The following TRHDE variants were observed in gnomAD, a reference collection of about 807,000 sequenced individuals.
TRHDE encodes the protein thyrotropin-releasing hormone-degrading ectoenzyme.
Under a neutral mutation model 125.7 loss-of-function variants are expected in TRHDE, and 72 were observed. That is an observed-to-expected ratio of 0.57 (90% CI 0.47 to 0.70). The LOEUF is 0.70. Among genes scored for constraint, TRHDE ranks in the 30% least tolerant of loss-of-function variants. TRHDE has a pLI of 0.00. For synonymous variants in TRHDE, 509 were observed against 509.1 expected (o/e 1.00, Z 0.00); for missense variants, 1,110 against 1,327.1 (o/e 0.84, Z 2.54).
intron 15 of TRHDE, among the ~76,000 whole-genome samples, chr12:72,634,495 T>TA (rs1431414815): frequency 6.6e-6 from 1 of 152,122 alleles, no homozygotes; most frequent in African/African-American, 2.4e-5. Flanking sequence ...TCTTTTTTTT[T>TA]AATTGTTAAT....
chr12:72,367,584 C>A (rs1395366879), intron 2 of TRHDE, among the ~76,000 whole-genome samples: 2 of 152,086 alleles, frequency 1.3e-5, no homozygotes, highest in Non-Finnish European at 2.9e-5. Flanking sequence ...GACTAATACT[C>A]CTGAGCTTTT....
intron 1 of TRHDE, among the ~76,000 whole-genome samples, chr12:72,098,311 C>A (rs545837230): frequency 1.3e-5 from 2 of 152,108 alleles, no homozygotes; most frequent in Admixed American, 6.5e-5. Flanking sequence ...TAGTTTTTAC[C>A]CTGTTTCCCC....
At chr12:72,159,300 G>A (rs775802234) in intron 2 of TRHDE, among the ~76,000 whole-genome samples, 46 of 152,148 alleles carry the variant, frequency 3.0e-4, no homozygotes, top group Non-Finnish European at 5.1e-4. Flanking sequence ...CATACTTAGA[G>A]TACAGTAATA....
At chr12:72,158,066 G>T (rs1403767000) in intron 2 of TRHDE, among the ~76,000 whole-genome samples, 2 of 152,282 alleles carry the variant, frequency 1.3e-5, no homozygotes, top group East Asian at 3.9e-4. Context: ...AGAATTGACT[G>T]CTGGATTTCA....
At chr12:72,229,327 A>G (rs890720837) in intron 2 of TRHDE, among the ~76,000 whole-genome samples, 4 of 152,012 alleles carry the variant, frequency 2.6e-5, no homozygotes, top group Non-Finnish European at 5.9e-5. Flanking sequence ...GTGCAGGGGA[A>G]CTCCCCTTTT....
intron 5 of TRHDE, among the ~76,000 whole-genome samples, chr12:72,490,454 C>T (rs1877614584): frequency 6.6e-6 from 1 of 151,774 alleles, no homozygotes; most frequent in Admixed American, 6.6e-5. Flanking sequence ...CATGACCCAG[C>T]AATCCCTCTT....
At position 72,199,394 on chromosome 12, in the gene TRHDE, A is replaced by G. The variant is rs540345757; in HGVS notation, n.279+93642A>G. 1.2e-3 allele frequency among the ~76,000 whole-genome samples: 187 copies of G among 152,342 alleles called. 1 individual carries two copies. The highest frequency in any genetic ancestry group is 4.2e-3 in the African/African-American group (175 of 41,582). The stretch of plus-strand genomic sequence containing the variant: ...GAAATAAAAGGAAAGAGGGACAGGT[A>G]GAGTGCCAATGACTAGGAGGAGAGT... On this transcript the variant is annotated intron_variant and non_coding_transcript_variant, in intron 2 of 4. Transcript: ENST00000548156.
At chr12:72,416,182 T>A (rs930001639) in intron 3 of TRHDE, among the ~76,000 whole-genome samples, 7 of 152,086 alleles carry the variant, frequency 4.6e-5, no homozygotes, top group Non-Finnish European at 7.4e-5. Flanking sequence ...TCTGTTGCCA[T>A]TTGTATGTCT....
intron 5 of TRHDE, among the ~76,000 whole-genome samples, chr12:72,483,345 C>A (rs757264179): frequency 2.0e-5 from 3 of 151,948 alleles, no homozygotes; most frequent in Non-Finnish European, 4.4e-5. Context: ...TGGCTGTCTG[C>A]TACTTAATAG....
chr12:72,152,855 C>A (rs1876402796), intron 2 of TRHDE, among the ~76,000 whole-genome samples: 1 of 152,112 alleles, frequency 6.6e-6, no homozygotes, highest in Non-Finnish European at 1.5e-5. Context: ...GTCTAAAATT[C>A]TCTTTTTTTG....
intron 3 of TRHDE, among the ~76,000 whole-genome samples, chr12:72,407,774 G>C (rs1209427185): frequency 6.6e-6 from 1 of 152,188 alleles, no homozygotes; most frequent in Non-Finnish European, 1.5e-5. Context: ...GCGCACTCTA[G>C]GTGGAAGTGT....
chr12:72,165,042 A>G (rs780326971), intron 2 of TRHDE, among the ~76,000 whole-genome samples: 1 of 152,202 alleles, frequency 6.6e-6, no homozygotes, highest in Non-Finnish European at 1.5e-5. Context: ...GGAATAAAAT[A>G]GATGGGCAGC....
At chr12:72,556,959 G>A (rs764266022) in intron 7 of TRHDE, among the ~76,000 whole-genome samples, 6 of 152,132 alleles carry the variant, frequency 3.9e-5, no homozygotes, top group Admixed American at 2.0e-4. Flanking sequence ...AGCACTATTG[G>A]TGGTGGTCTC....
chr12:72,219,410 G>A (rs1369978237), intron 2 of TRHDE, among the ~76,000 whole-genome samples: 1 of 152,050 alleles, frequency 6.6e-6, no homozygotes, highest in African/African-American at 2.4e-5. Flanking sequence ...CCAAATTGTA[G>A]TAATCCACAT....
At chr12:72,265,727 C>T (rs1369458173) in intron 2 of TRHDE, among the ~76,000 whole-genome samples, 1 of 151,802 alleles carries the variant, frequency 6.6e-6, no homozygotes, top group Non-Finnish European at 1.5e-5. Context: ...GTTATATATA[C>T]ACATATTGTG....
chr12:72,555,951 T>C (rs973653504), intron 7 of TRHDE, among the ~76,000 whole-genome samples: 1 of 152,198 alleles, frequency 6.6e-6, no homozygotes, highest in African/African-American at 2.4e-5. Context: ...ACAAAAACTG[T>C]TGCTTTTTAA....
chr12:72,278,458 A>G (rs1879572758), intron 1 of TRHDE, among the ~76,000 whole-genome samples: 1 of 152,176 alleles, frequency 6.6e-6, no homozygotes, highest in African/African-American at 2.4e-5. Context: ...ATCCACCAGT[A>G]GTGGGATTGC....
At chr12:72,155,036 A>G (rs1327729528) in intron 2 of TRHDE, among the ~76,000 whole-genome samples, 1 of 152,210 alleles carries the variant, frequency 6.6e-6, no homozygotes, top group Non-Finnish European at 1.5e-5. Context: ...TACACCAATC[A>G]GACGTAGATT....
rs1005748243 is a variant in TRHDE, at chr12:72,439,523, C to A, written c.1316-30235C>A. ...GATCTTTCACTTCCTTGGTTAAATC[C>A]ATTTCTAGGTACTTAATTTTTTTGT... On this transcript the variant is annotated intron_variant, in intron 3 of 18. Transcript: ENST00000261180. Among the ~76,000 whole-genome samples the A allele has an allele frequency of 3.3e-5, 5 of 149,586 alleles. No individual in the cohort carries two copies. The South Asian group carries it at 8.4e-4, about 25-fold the overall frequency.
Sources: allele counts gnomAD v4.1 joint callset (sites outside exome capture counted in the v4.1 genomes callset), GRCh38; gene constraint gnomAD v4.1.1; transcripts MANE v1.5; gene names NCBI Gene and HGNC (gene_info 2026-07-23, HGNC 2026-07-21).